The following MEGF10 variants were observed in gnomAD, a reference collection of about 807,000 sequenced individuals.
MEGF10 encodes the protein multiple epidermal growth factor-like domains protein 10.
MEGF10 carries 86 observed loss-of-function variants against 147.5 expected under a neutral mutation model. That is an observed-to-expected ratio of 0.58 (90% confidence interval 0.49 to 0.70). The LOEUF (loss-of-function observed/expected upper bound fraction) is 0.70, where lower values mean the gene tolerates loss of function less well. MEGF10 is among the 30% of genes least tolerant of loss of function. MEGF10 has a pLI of 0.00. For missense variants in MEGF10, 1,329 were observed against 1,487.3 expected (o/e 0.89, Z 1.75); for synonymous variants, 478 against 525.5 (o/e 0.91, Z 1.24).
intron 1 of MEGF10, among the ~76,000 whole-genome samples, chr5:127,296,886 G>C (rs1293913723): frequency 6.6e-6 from 1 of 152,124 alleles, no homozygotes; most frequent in Non-Finnish European, 1.5e-5. Context: ...ATGAAGAATT[G>C]ATAAAAAATA....
At chr5:127,303,368 G>C (rs1222113027) in intron 1 of MEGF10, among the ~76,000 whole-genome samples, 1 of 150,256 alleles carries the variant, frequency 6.7e-6, no homozygotes, top group African/African-American at 2.4e-5. Flanking sequence ...AATAAGGTTG[G>C]AAGTGTAGGT....
At chr5:127,448,562 T>C (rs191920599) in intron 21 of MEGF10, among the ~76,000 whole-genome samples, 4 of 152,362 alleles carry the variant, frequency 2.6e-5, no homozygotes, top group Admixed American at 2.6e-4. Context: ...AATCCAGTTG[T>C]AATTTAATTA....
upstream of MEGF10, among the ~76,000 whole-genome samples, chr5:127,288,427 A>C (rs545828652): frequency 6.6e-6 from 1 of 152,264 alleles, no homozygotes; most frequent in South Asian, 2.1e-4. Context: ...TTGGGCAATA[A>C]ATTCAGACAC....
chr5:127,325,010 C>A (rs1236039264), intron 1 of MEGF10, among the ~76,000 whole-genome samples: 1 of 152,184 alleles, frequency 6.6e-6, no homozygotes, highest in African/African-American at 2.4e-5. Flanking sequence ...TCTGCTCTTA[C>A]CTGATTGTCT....
chr5:127,277,302 A>G, the MEGF10 span, among the ~76,000 whole-genome samples: 7 of 152,208 alleles, frequency 4.6e-5, no homozygotes, highest in African/African-American at 1.7e-4. Flanking sequence ...GACCACATCC[A>G]AAGACTGTCA....
intron 5 of MEGF10, among the ~76,000 whole-genome samples, chr5:127,391,100 G>GCACA (rs1173924866): frequency 0.031 from 1,220 of 39,968 alleles, 8 homozygotes; most frequent in Middle Eastern, 0.062. Flanking sequence ...GCGCGCGCGC[G>GCACA]CGCACACACA....
chr5:127,259,741 TC>T, the MEGF10 span, among the ~76,000 whole-genome samples: 1 of 152,164 alleles, frequency 6.6e-6, no homozygotes. Context: ...TCTCAAGCCC[TC>T]TCTGCCTAGA....
chr5:127,393,810 G>GTTTTTTTTTT (rs11414651), intron 5 of MEGF10, among the ~76,000 whole-genome samples: 2 of 147,604 alleles, frequency 1.4e-5, no homozygotes, highest in Non-Finnish European at 3.0e-5. Flanking sequence ...TATCTTCAAA[G>GTTTTTTTTTT]TTTTTTTTTT....
At chr5:127,432,509 T>C (rs547280817) in intron 13 of MEGF10, among the ~76,000 whole-genome samples, 1 of 152,336 alleles carries the variant, frequency 6.6e-6, no homozygotes, top group East Asian at 1.9e-4. Flanking sequence ...ACTTATTGCC[T>C]TTCAATGTGA....
At chr5:127,338,269 T>C (rs1761543541) in intron 2 of MEGF10, among the ~76,000 whole-genome samples, 1 of 152,038 alleles carries the variant, frequency 6.6e-6, no homozygotes, top group African/African-American at 2.4e-5. Flanking sequence ...GCAAATAGAA[T>C]AAATTGTTTG....
At chr5:127,229,837 C>G in the MEGF10 span, 1 of 152,164 alleles carries the variant, frequency 6.6e-6, no homozygotes, top group African/African-American at 2.4e-5. Flanking sequence ...CCTCTGGGGG[C>G]CGAAGCAGGG....
the MEGF10 span, among the ~76,000 whole-genome samples, chr5:127,251,212 G>A: frequency 1.3e-5 from 2 of 152,048 alleles, no homozygotes; most frequent in Admixed American, 6.6e-5. Context: ...AAATATAAAA[G>A]TATAGGGTTT....
At chr5:127,390,580 T>C (rs1220166762) in intron 5 of MEGF10, among the ~76,000 whole-genome samples, 3 of 152,226 alleles carry the variant, frequency 2.0e-5, no homozygotes, top group African/African-American at 7.2e-5. Flanking sequence ...CATAAGCCAC[T>C]GTGCCTGGCC....
chr5:127,255,679 A>G, the MEGF10 span, among the ~76,000 whole-genome samples: 1 of 152,212 alleles, frequency 6.6e-6, no homozygotes, highest in African/African-American at 2.4e-5. Flanking sequence ...CTCTTAATAC[A>G]TTCAAGCACT....
intron 5 of MEGF10, among the ~76,000 whole-genome samples, chr5:127,379,979 G>A (rs1478395093): frequency 1.3e-5 from 2 of 151,966 alleles, no homozygotes; most frequent in Non-Finnish European, 2.9e-5. Context: ...ACCTCCATAT[G>A]CAGAGTATGA....
upstream of MEGF10, among the ~76,000 whole-genome samples, chr5:127,290,432 A>T (rs1580666117): frequency 6.6e-6 from 1 of 151,484 alleles, no homozygotes; most frequent in Non-Finnish European, 1.5e-5. Context: ...GGTCTAGAAC[A>T]CCTCCCAGGG....
the MEGF10 span, among the ~76,000 whole-genome samples, chr5:127,253,593 TAG>T: frequency 1.3e-5 from 2 of 151,960 alleles, no homozygotes; most frequent in African/African-American, 2.4e-5. Context: ...TATTAGGAGA[TAG>T]AGAGAGGCAT....
the MEGF10 span, among the ~76,000 whole-genome samples, chr5:127,247,440 GAAGAAGAAGAAGAAGAAGAAGAA>G: frequency 8.8e-6 from 1 of 113,284 alleles, no homozygotes; most frequent in African/African-American, 4.1e-5. Flanking sequence ...AGAAGAAGAA[GAAGAAGAAGAAGAAGAAGAAGAA>G]GAAGAAGAAG....
rs1301558900 is a variant in MEGF10, at chr5:127,402,598, C to T, written c.833C>T (p.Ser278Phe). 5 of 1,613,940 alleles carry T rather than the reference C, an allele frequency of 3.1e-6. No homozygotes were observed. Among genetic ancestry groups the T allele is most frequent in the Non-Finnish European group, 4.2e-6 (5 of 1,179,994 alleles). The change falls in exon 8 of 25, where the codon TCC becomes TTC. Residue 278 changes from serine (S) to phenylalanine (F), a missense_variant. Around this residue, in one of 3 missense-constraint regions of MEGF10, gnomAD observed 980 missense variants for 1,085.9 expected, o/e 0.90. Transcript: ENST00000503335. ...GAGGGTCGCTTTGGAAAGAACTGTTCCCAAGAATGCCAGTGCCATAATGGA... is the reference window on the plus strand; with the variant it reads ...GAGGGTCGCTTTGGAAAGAACTGTTTCCAAGAATGCCAGTGCCATAATGGA... ...CPEGRFGKNC[S>F]QECQCHNGGT...
Sources: gnomAD v4.1 joint callset for allele counts (sites outside exome capture counted in the v4.1 genomes callset) on GRCh38, gnomAD v4.1.1 for gene constraint, gnomAD v4.1.1 regional missense constraint, MANE v1.5 for transcripts, NCBI Gene and HGNC (gene_info 2026-07-23, HGNC 2026-07-21) for gene names.